SCN9A: variants seen among roughly 807,000 people sequenced by gnomAD.
The protein encoded by SCN9A is sodium channel protein type 9 subunit alpha.
A neutral mutation model predicts 187.0 loss-of-function variants in SCN9A; 131 were observed. That is an observed-to-expected ratio of 0.70 (90% CI 0.61 to 0.81). The LOEUF (loss-of-function observed/expected upper bound fraction) is 0.81. SCN9A is among the 30% of genes least tolerant of loss of function. SCN9A has a pLI of 0.00. For synonymous variants in SCN9A, 809 were observed against 808.6 expected (o/e 1.00, Z -0.01); for missense variants, 2,252 against 2,396.6 (o/e 0.94, Z 1.26).
intron 17 of SCN9A, among the ~76,000 whole-genome samples, chr2:166,267,003 A>G (rs1316741893): frequency 6.6e-6 from 1 of 151,966 alleles, no homozygotes; most frequent in African/African-American, 2.4e-5. Context: ...ATAAAAACAA[A>G]GAGAATTTGA....
intron 2 of SCN9A, among the ~76,000 whole-genome samples, chr2:166,309,095 C>A (rs1287502983): frequency 6.6e-6 from 1 of 151,672 alleles, no homozygotes; most frequent in African/African-American, 2.4e-5. Context: ...TGACAGATAT[C>A]ATACAGAAAA....
At position 166,303,191 on chromosome 2, in the gene SCN9A, A is replaced by G. The variant is rs1698633377; in HGVS notation, c.800T>C (p.Phe267Ser). Residue 267 changes from phenylalanine to serine, a missense_variant, in exon 7 of 27, where the codon TTC (phenylalanine) becomes TCC (serine). Coordinates refer to ENST00000642356, the MANE Select transcript of SCN9A (RefSeq NM_001365536.1). The part of the protein sequence containing the change: ...SVFALIGLQL[F>S]MGNLKHKCFR... ...ACATTTATGCTTCAGGTTTCCCATG[A>G]ACAGCTGTAGTCCAATTAGTGCAAA... 1 of 1,613,724 alleles carries G rather than the reference A, an allele frequency of 6.2e-7. No homozygotes were observed. Among genetic ancestry groups the G allele is most frequent in the East Asian group, 2.2e-5 (1 of 44,830 alleles).
At chr2:166,239,955 G>A (rs187669623) in intron 19 of SCN9A, among the ~76,000 whole-genome samples, 1 of 152,084 alleles carries the variant, frequency 6.6e-6, no homozygotes, top group Non-Finnish European at 1.5e-5. Context: ...TCTGATTTAG[G>A]ACTTAACGCT....
Position 166,238,125 on chromosome 2 carries a change from G to A in SCN9A, c.3770C>T (p.Ala1257Val). Residue 1257 changes from alanine to valine, a missense_variant, in exon 20 of 27, where the codon GCC becomes GTC. By Grantham distance (64) the Ala-to-Val change is moderately conservative (BLOSUM62 0). Coordinates refer to ENST00000642356, the MANE Select transcript of SCN9A (RefSeq NM_001365536.1). ...AYGYKTYFTN[A>V]WCWLDFLIVD... is the part of the protein sequence containing the mutation. ...AATTAGGAAATCCAGCCAACACCAG[G>A]CATTGGTGAAATATGTTTTATAACC... 6.2e-7 allele frequency: 1 copy of A among 1,611,134 alleles called. No individual in the cohort carries two copies. The highest frequency in any genetic ancestry group is 8.5e-7 in the Non-Finnish European group (1 of 1,178,516).
intron 5 of SCN9A, 133 bp downstream of exon 5, chr2:166,305,659 T>G: frequency 8.3e-7 from 1 of 1,210,166 alleles, no homozygotes; most frequent in Non-Finnish European, 1.2e-6. Context: ...AGCTTTCATA[T>G]AGCTTCCATT....
Position 166,251,875 on chromosome 2 carries a change from C to G in SCN9A, c.3362G>C (p.Arg1121Pro), listed in dbSNP as rs74401238. The G allele has an allele frequency of 2.8e-5, 45 of 1,612,082 alleles. No individual in the cohort carries two copies. The Admixed American group carries it at 6.2e-4, about 22-fold the overall frequency. Reference sequence around the variant, plus strand: ...TGTGCTGCACTCTGAGGAGCTTGACCGGTTTAATCTCTAGAAAGGAATTCA... The same window carrying G: ...TGTGCTGCACTCTGAGGAGCTTGACGGGTTTAATCTCTAGAAAGGAATTCA... ...DSEYSKVRLN[R>P]SSSSECSTVD... The change falls in exon 18 of 27, where the codon CGG (arginine) becomes CCG (proline). Residue 1121 changes from arginine (R) to proline (P), a missense_variant. Physicochemically the swap from Arg to Pro is moderately radical, Grantham distance 103. Around this residue, in one of 7 missense-constraint regions of SCN9A, gnomAD observed 313 missense variants for 295.3 expected, o/e 1.06. Coordinates refer to ENST00000642356, the MANE Select transcript of SCN9A (RefSeq NM_001365536.1).
At chr2:166,210,411 GTAAC>G (rs973096235) in intron 24 of SCN9A, among the ~76,000 whole-genome samples, 7 of 150,434 alleles carry the variant, frequency 4.7e-5, no homozygotes, top group African/African-American at 9.8e-5. Flanking sequence ...GTATACATAT[GTAAC>G]TAACCTGCAC....
At chr2:166,357,111 G>GCCACCCT (rs1468436748) in intron 1 of SCN9A, among the ~76,000 whole-genome samples, 1 of 151,906 alleles carries the variant, frequency 6.6e-6, no homozygotes, top group Non-Finnish European at 1.5e-5. Context: ...CCTCCCTCCT[G>GCCACCCT]CCACCCTCCA....
chr2:166,346,055 T>A (rs1699893470), intron 1 of SCN9A, among the ~76,000 whole-genome samples: 1 of 152,136 alleles, frequency 6.6e-6, no homozygotes, highest in Non-Finnish European at 1.5e-5. Flanking sequence ...GAATAAGGAA[T>A]GTCTCATTCT....
intron 17 of SCN9A, among the ~76,000 whole-genome samples, chr2:166,265,633 AC>A (rs753973250): frequency 2.6e-5 from 4 of 151,780 alleles, no homozygotes; most frequent in Admixed American, 2.6e-4. Context: ...TTTTTAAAGA[AC>A]CCCCATATTA....
chr2:166,223,864 T>C (rs540821812), intron 24 of SCN9A, among the ~76,000 whole-genome samples: 3 of 152,306 alleles, frequency 2.0e-5, no homozygotes, highest in Non-Finnish European at 2.9e-5. Context: ...TGTTAACTAA[T>C]TGAAGTGTTG....
chr2:166,352,514 A>T lies in SCN9A; in HGVS notation c.-51+23183T>A, dbSNP rs1700055314. ...CTTACATTCTGTACTGAAGTATAGA[A>T]ATATTATTTAGGAAAGCAAGCTTCA... is the stretch of plus-strand genomic sequence containing the variant. On this transcript the variant is annotated intron_variant, in intron 1 of 26. Transcript: ENST00000642356. Among the ~76,000 whole-genome samples the T allele has an allele frequency of 2.0e-5, 3 of 152,214 alleles. No homozygotes were observed. In the South Asian group the frequency reaches 6.2e-4, roughly 32 times the overall value.
chr2:166,297,258 T>TATATACTG (rs1491115883), intron 7 of SCN9A, among the ~76,000 whole-genome samples: 1 of 128,596 alleles, frequency 7.8e-6, no homozygotes, highest in African/African-American at 2.9e-5. Context: ...CACTACTAGG[T>TATATACTG]ATATACTGAG....
chr2:166,316,567 C>T (rs1397580389), intron 1 of SCN9A, among the ~76,000 whole-genome samples: 2 of 152,130 alleles, frequency 1.3e-5, no homozygotes. Context: ...TGTTGGCAGG[C>T]GCCTATAGTC....
chr2:166,311,329 C>CATATAT (rs1559034298), intron 2 of SCN9A, among the ~76,000 whole-genome samples, 170 bp downstream of exon 2: 2,827 of 47,840 alleles, frequency 0.059, 791 homozygotes, highest in Non-Finnish European at 0.068. Context: ...TTCTGAATAT[C>CATATAT]CTATATATAT....
intron 1 of SCN9A, among the ~76,000 whole-genome samples, chr2:166,371,856 C>T (rs1700572254): frequency 6.6e-6 from 1 of 152,076 alleles, no homozygotes; most frequent in Admixed American, 6.5e-5. Context: ...AATCCCTGCT[C>T]ACAATTAGTG....
In SCN9A at chr2:166,367,999, T is replaced by C. The variant is rs182641899; in HGVS notation, c.-51+7698A>G. Among the ~76,000 whole-genome samples, 143 of 152,360 alleles carry C rather than the reference T, an allele frequency of 9.4e-4. 1 individual carries two copies. The highest frequency in any genetic ancestry group is 2.9e-3 in the African/African-American group (122 of 41,586). On this transcript the variant is annotated intron_variant, in intron 1 of 26. Transcript: ENST00000642356. ...TTTTAGCTCCATTAAGGGTTAAACA[T>C]ATTTGATAGAATGCTTGGTAGCGTA...
At chr2:166,370,211 A>ATCATCATCATC (rs1553507670) in intron 1 of SCN9A, among the ~76,000 whole-genome samples, 5 of 92,262 alleles carry the variant, frequency 5.4e-5, no homozygotes, top group African/African-American at 2.3e-4. Flanking sequence ...TAATAATAAT[A>ATCATCATCATC]ATAATAATAA....
At chr2:166,370,410 G>A (rs1212667404) in intron 1 of SCN9A, among the ~76,000 whole-genome samples, 1 of 151,550 alleles carries the variant, frequency 6.6e-6, no homozygotes, top group Non-Finnish European at 1.5e-5. Flanking sequence ...CGGGCACGGT[G>A]GTAGGCGCCT....
Sources: allele counts gnomAD v4.1 joint callset (sites outside exome capture counted in the v4.1 genomes callset), GRCh38; gene constraint gnomAD v4.1.1; regional missense constraint gnomAD v4.1.1; transcripts MANE v1.5; gene names NCBI Gene and HGNC (gene_info 2026-07-23, HGNC 2026-07-21).